Variants in CTNNA2 observed in about 807,000 individuals in gnomAD.
CTNNA2 encodes catenin alpha-2.
CTNNA2 carries 42 observed loss-of-function variants against 101.0 expected under a neutral mutation model. That is an observed-to-expected ratio of 0.42 (90% CI 0.32 to 0.54). The LOEUF (loss-of-function observed/expected upper bound fraction) is 0.54. Among genes scored for constraint, CTNNA2 ranks in the 20% least tolerant of loss-of-function variants. The pLI, the probability that CTNNA2 is intolerant of heterozygous loss-of-function variation, is 0.14. For missense variants in CTNNA2, 871 were observed against 1,223.1 expected (o/e 0.71, Z 4.29); for synonymous variants, 450 against 456.4 (o/e 0.99, Z 0.18).
chr2:79,723,911 G>A (rs937515631), intron 2 of CTNNA2, among the ~76,000 whole-genome samples: 4 of 152,164 alleles, frequency 2.6e-5, no homozygotes, highest in Non-Finnish European at 4.4e-5. Flanking sequence ...CTGCCTGGAT[G>A]AGAAAACTTG....
intron 7 of CTNNA2, among the ~76,000 whole-genome samples, chr2:80,340,777 A>G (rs1672156700): frequency 6.6e-6 from 1 of 152,150 alleles, no homozygotes; most frequent in South Asian, 2.1e-4. Flanking sequence ...GACATTATCT[A>G]CCTGGAGCTA....
chr2:79,997,990 G>C (rs750561899), intron 7 of CTNNA2, among the ~76,000 whole-genome samples: 1 of 152,158 alleles, frequency 6.6e-6, no homozygotes, highest in South Asian at 2.1e-4. Context: ...ATAGTTAACC[G>C]AGACTTTTGG....
At chr2:79,696,595 T>C (rs974995157) in intron 2 of CTNNA2, among the ~76,000 whole-genome samples, 18 of 152,004 alleles carry the variant, frequency 1.2e-4, no homozygotes, top group African/African-American at 4.3e-4. Flanking sequence ...TGAACTAATT[T>C]TAATCCCTCA....
chr2:79,304,699 A>G (rs1413270424), intron 2 of CTNNA2, among the ~76,000 whole-genome samples: 1 of 152,174 alleles, frequency 6.6e-6, no homozygotes, highest in African/African-American at 2.4e-5. Context: ...ATAGGTATCT[A>G]TTGTGGTTAT....
chr2:79,233,648 G>C (rs994369958), intron 2 of CTNNA2, among the ~76,000 whole-genome samples: 4 of 152,060 alleles, frequency 2.6e-5, no homozygotes, highest in Non-Finnish European at 5.9e-5. Context: ...TGTTAGTGTG[G>C]TGTCAAAGTC....
At chr2:79,248,309 TAAAAAC>T (rs1159485689) in intron 2 of CTNNA2, among the ~76,000 whole-genome samples, 1 of 152,058 alleles carries the variant, frequency 6.6e-6, no homozygotes, top group Non-Finnish European at 1.5e-5. Context: ...CCATCCATGT[TAAAAAC>T]AAAAGTAAAA....
At chr2:80,140,236 G>C (rs767616988) in intron 7 of CTNNA2, among the ~76,000 whole-genome samples, 4 of 152,152 alleles carry the variant, frequency 2.6e-5, no homozygotes, top group Non-Finnish European at 4.4e-5. Context: ...ATCCTAGTTA[G>C]TGTGGAGGTG....
At chr2:79,995,534 G>A (rs1692479107) in intron 7 of CTNNA2, among the ~76,000 whole-genome samples, 1 of 152,156 alleles carries the variant, frequency 6.6e-6, no homozygotes, top group Admixed American at 6.5e-5. Context: ...GTCTGGGCCA[G>A]GCACAGTGTC....
At chr2:80,018,833 A>G (rs901012967) in intron 7 of CTNNA2, among the ~76,000 whole-genome samples, 3 of 151,586 alleles carry the variant, frequency 2.0e-5, no homozygotes, top group African/African-American at 7.3e-5. Flanking sequence ...GATCCAGTTT[A>G]CCTATATACC....
At chr2:79,294,408 A>G (rs1444263903) in intron 2 of CTNNA2, among the ~76,000 whole-genome samples, 1 of 152,118 alleles carries the variant, frequency 6.6e-6, no homozygotes. Context: ...CTTAAGTCCT[A>G]TCTGCAAATA....
At chr2:80,601,842 T>C (rs1181757427) in intron 15 of CTNNA2, 1 of 152,114 alleles carries the variant, frequency 6.6e-6, no homozygotes, top group Non-Finnish European at 1.5e-5. Flanking sequence ...ATTTAGTTAG[T>C]GTTTTTTGTA....
At chr2:79,267,548 G>C (rs998400075) in intron 2 of CTNNA2, among the ~76,000 whole-genome samples, 5 of 152,104 alleles carry the variant, frequency 3.3e-5, no homozygotes, top group Non-Finnish European at 7.4e-5. Context: ...ATTTTGGGGA[G>C]ACCCAAACAT....
intron 7 of CTNNA2, among the ~76,000 whole-genome samples, chr2:79,952,445 G>T (rs1452088501): frequency 6.6e-6 from 1 of 152,186 alleles, no homozygotes; most frequent in African/African-American, 2.4e-5. Context: ...GGTGATGCTT[G>T]TAGAAGTCTG....
At chr2:79,349,164 C>T (rs146696477) in intron 3 of CTNNA2, among the ~76,000 whole-genome samples, 3 of 152,160 alleles carry the variant, frequency 2.0e-5, no homozygotes, top group Non-Finnish European at 4.4e-5. Context: ...GATATGCAGG[C>T]AAGAGTGAAA....
intron 9 of CTNNA2, among the ~76,000 whole-genome samples, chr2:80,527,787 T>TA (rs1426691358): frequency 1.3e-5 from 2 of 152,122 alleles, no homozygotes; most frequent in Non-Finnish European, 1.5e-5. Flanking sequence ...TACCTGGAAA[T>TA]ACTCTAACTG....
At chr2:79,774,785 G>C (rs1469508073) in intron 3 of CTNNA2, among the ~76,000 whole-genome samples, 1 of 152,078 alleles carries the variant, frequency 6.6e-6, no homozygotes, top group Non-Finnish European at 1.5e-5. Context: ...CCCAATATTA[G>C]GAAATTTCTA....
intron 7 of CTNNA2, among the ~76,000 whole-genome samples, chr2:80,076,127 C>T (rs1410727913): frequency 6.6e-6 from 1 of 152,042 alleles, no homozygotes; most frequent in Non-Finnish European, 1.5e-5. Flanking sequence ...AAGTCCTCCC[C>T]ACCTTCTCAA....
chr2:79,242,371 T>A (rs560179580), intron 2 of CTNNA2, among the ~76,000 whole-genome samples: 9 of 152,296 alleles, frequency 5.9e-5, no homozygotes, highest in African/African-American at 1.2e-4. Context: ...TTGTTGCATC[T>A]AATAACTCTT....
chr2:80,543,468 A>T, intron 9 of CTNNA2, among the ~76,000 whole-genome samples: 1 of 152,188 alleles, frequency 6.6e-6, no homozygotes, highest in East Asian at 1.9e-4. Flanking sequence ...CACTTGTCAT[A>T]ATTTCTCCTA....
Sources: allele counts gnomAD v4.1 joint callset (sites outside exome capture counted in the v4.1 genomes callset), GRCh38; gene constraint gnomAD v4.1.1; transcripts MANE v1.5; gene names NCBI Gene and HGNC (gene_info 2026-07-23, HGNC 2026-07-21).